ZNF407: variants seen among roughly 807,000 people sequenced by gnomAD.
The protein encoded by ZNF407 is zinc finger protein 407.
Under a neutral mutation model 131.2 loss-of-function variants are expected in ZNF407, and 17 were observed. The ratio of observed to expected loss-of-function variants is 0.13; its 90% confidence interval spans 0.09 to 0.19. The LOEUF is 0.19. Ranked by LOEUF, ZNF407 falls within the 10% of genes least tolerant of loss-of-function variation. The pLI, the probability that ZNF407 is intolerant of heterozygous loss-of-function variation, is 1.00. For missense variants in ZNF407, 2,681 were observed against 2,830.6 expected, an observed-to-expected ratio of 0.95 and a Z score of 1.20; for synonymous variants, 1,156 against 1,062.0, an observed-to-expected ratio of 1.09 and a Z score of -1.72.
intron 8 of ZNF407, among the ~76,000 whole-genome samples, chr18:74,979,301 C>G (rs1335690182): frequency 6.6e-6 from 1 of 152,164 alleles, no homozygotes; most frequent in African/African-American, 2.4e-5. Context: ...GTATCTGGAA[C>G]AAACATCTAC....
At chr18:74,755,742 TTTC>T (rs1490578741) in intron 3 of ZNF407, among the ~76,000 whole-genome samples, 1 of 115,620 alleles carries the variant, frequency 8.6e-6, no homozygotes, top group African/African-American at 4.3e-5. Context: ...TCTTTCTTTC[TTTC>T]TTTCTTTCTT....
At chr18:74,610,061 A>G (rs551979827) in intron 1 of ZNF407, among the ~76,000 whole-genome samples, 175 of 152,358 alleles carry the variant, frequency 1.1e-3, no homozygotes, top group African/African-American at 3.9e-3. Flanking sequence ...TATATCCTTC[A>G]CAGGCTTGTA....
intron 1 of ZNF407, among the ~76,000 whole-genome samples, chr18:74,614,582 G>T (rs896829950): frequency 1.3e-5 from 2 of 152,086 alleles, no homozygotes; most frequent in African/African-American, 2.4e-5. Flanking sequence ...TTTTAGTCCA[G>T]TGGTTCCCAA....
At chr18:74,698,866 C>CTTA (rs1241724448) in intron 3 of ZNF407, among the ~76,000 whole-genome samples, 2 of 152,126 alleles carry the variant, frequency 1.3e-5, no homozygotes, top group African/African-American at 4.8e-5. Context: ...TTGTTCCCCT[C>CTTA]TTATTTCCTC....
At chr18:74,676,697 A>ACG (rs1986404847) in intron 3 of ZNF407, among the ~76,000 whole-genome samples, 1 of 151,302 alleles carries the variant, frequency 6.6e-6, no homozygotes, top group East Asian at 2.0e-4. Context: ...GCCTCCCAGA[A>ACG]TGCTGGGATT....
intron 4 of ZNF407, among the ~76,000 whole-genome samples, chr18:74,814,536 G>T (rs1171951817): frequency 2.6e-5 from 4 of 152,136 alleles, no homozygotes; most frequent in Admixed American, 2.0e-4. Context: ...TCCCAGTAAA[G>T]AAGGAAGAAA....
intron 8 of ZNF407, among the ~76,000 whole-genome samples, chr18:75,031,975 C>G (rs1211527048): frequency 6.6e-6 from 1 of 152,138 alleles, no homozygotes; most frequent in Non-Finnish European, 1.5e-5. Context: ...TAAGCAAGCT[C>G]TAAGATATTT....
At chr18:75,045,337 A>G (rs1186479429) in intron 8 of ZNF407, among the ~76,000 whole-genome samples, 2 of 152,202 alleles carry the variant, frequency 1.3e-5, no homozygotes, top group Non-Finnish European at 2.9e-5. Flanking sequence ...TGCACTGTTT[A>G]CATAAGATTA....
intron 3 of ZNF407, among the ~76,000 whole-genome samples, chr18:74,759,124 A>G (rs886991197): frequency 6.6e-6 from 1 of 151,896 alleles, no homozygotes; most frequent in Admixed American, 6.6e-5. Context: ...AGAAATTTAG[A>G]TGACAGTAAT....
At chr18:74,895,392 A>C in intron 7 of ZNF407, among the ~76,000 whole-genome samples, 1 of 152,148 alleles carries the variant, frequency 6.6e-6, no homozygotes, top group East Asian at 1.9e-4. Context: ...AAGTTCTTAC[A>C]TGTGTGACTG....
intron 3 of ZNF407, among the ~76,000 whole-genome samples, chr18:74,772,961 G>A (rs528894387): frequency 3.9e-5 from 6 of 152,258 alleles, no homozygotes; most frequent in Admixed American, 2.0e-4. Flanking sequence ...CGGGAAGGTG[G>A]TACAATTGAT....
chr18:74,651,465 T>C (rs1985222268), intron 3 of ZNF407, among the ~76,000 whole-genome samples: 1 of 152,184 alleles, frequency 6.6e-6, no homozygotes, highest in Non-Finnish European at 1.5e-5. Context: ...GCCGATAATT[T>C]GCCTGTAGAT....
At position 74,769,367 on chromosome 18, in the gene ZNF407, A is replaced by G. The variant is rs367738724; in HGVS notation, c.4803-12061A>G. On this transcript the variant is annotated intron_variant, in intron 3 of 8. Transcript: ENST00000299687. ...CCACCAATGTTTTACCTCCTTCAGA[A>G]GAGTTGAGGTAGCTCTAGGCAAAGG... Among the ~76,000 whole-genome samples the G allele has an allele frequency of 2.0e-5, 3 of 152,146 alleles. No individual in the cohort carries two copies. The South Asian group carries it at 6.2e-4, about 32-fold the overall frequency.
chr18:74,781,606 C>G (rs887846063), intron 4 of ZNF407, 104 bp downstream of exon 4: 8 of 789,276 alleles, frequency 1.0e-5, no homozygotes, highest in African/African-American at 1.8e-5. Context: ...ATCAGTTAAT[C>G]ATGTTTCTAT....
Position 74,632,528 on chromosome 18 carries a change from G to A in ZNF407, c.1509G>A (p.Gln503=), listed in dbSNP as rs777885550. The A allele has an allele frequency of 1.6e-5, 26 of 1,613,934 alleles. No homozygotes were observed. The highest frequency in any genetic ancestry group is 1.3e-5 in the Non-Finnish European group (15 of 1,179,920). ...TSETQEAEQG[Q]GSARPPDSGL... is the part of the protein sequence containing the mutation. Reference sequence around the variant, plus strand: ...AAACCCAGGAGGCAGAGCAGGGCCAGGGGAGTGCCCGTCCTCCGGACTCCG... The same window carrying A: ...AAACCCAGGAGGCAGAGCAGGGCCAAGGGAGTGCCCGTCCTCCGGACTCCG... The change falls in exon 2 of 9, where the codon CAG becomes CAA. Residue 503 remains glutamine (Q), a synonymous_variant. Coordinates refer to ENST00000299687, the MANE Select transcript of ZNF407 (RefSeq NM_017757.3).
intron 8 of ZNF407, among the ~76,000 whole-genome samples, chr18:74,960,297 G>GGA (rs1972324948): frequency 4.3e-5 from 6 of 140,840 alleles, no homozygotes; most frequent in Admixed American, 1.4e-4. Flanking sequence ...CTGAGTGAGT[G>GGA]CTTGGTGGAG....
intron 3 of ZNF407, among the ~76,000 whole-genome samples, chr18:74,778,226 A>G (rs1353330900): frequency 6.6e-6 from 1 of 151,932 alleles, no homozygotes; most frequent in Non-Finnish European, 1.5e-5. Flanking sequence ...ACCAGCCCCC[A>G]GGTTTATGCT....
chr18:74,923,358 A>G (rs1483863710), intron 8 of ZNF407, among the ~76,000 whole-genome samples: 1 of 151,680 alleles, frequency 6.6e-6, no homozygotes, highest in East Asian at 1.9e-4. Context: ...TACCAGCTTA[A>G]ATTTACTGTT....
At chr18:74,837,617 T>G (rs1970576323) in intron 4 of ZNF407, among the ~76,000 whole-genome samples, 1 of 152,108 alleles carries the variant, frequency 6.6e-6, no homozygotes, top group Non-Finnish European at 1.5e-5. Context: ...GAAGGGCTTT[T>G]TTTTTTCTTT....
Sources: allele counts gnomAD v4.1 joint callset (sites outside exome capture counted in the v4.1 genomes callset), GRCh38; gene constraint gnomAD v4.1.1; transcripts MANE v1.5; gene names NCBI Gene and HGNC (gene_info 2026-07-23, HGNC 2026-07-21).